Variants in HSD17B12 observed in about 807,000 individuals in gnomAD.
HSD17B12 encodes the protein very-long-chain 3-oxoacyl-CoA reductase.
A neutral mutation model predicts 39.3 loss-of-function variants in HSD17B12; 32 were observed. That is an observed-to-expected ratio of 0.81 (90% confidence interval 0.61 to 1.09). The LOEUF is 1.09. HSD17B12 is among the 50% of genes least tolerant of loss of function. The pLI, the probability that HSD17B12 is intolerant of heterozygous loss-of-function variation, is 0.00. For missense variants in HSD17B12, 342 were observed against 382.9 expected, an observed-to-expected ratio of 0.89 and a Z score of 0.89; for synonymous variants, 150 against 146.7, an observed-to-expected ratio of 1.02 and a Z score of -0.16.
At chr11:43,582,303 G>A in the HSD17B12 span, among the ~76,000 whole-genome samples, 1 of 152,170 alleles carries the variant, frequency 6.6e-6, no homozygotes, top group Non-Finnish European at 1.5e-5. Context: ...GCCCCATCCC[G>A]GCCTCTCCAG....
At chr11:43,786,171 A>T (rs1950814242) in intron 3 of HSD17B12, among the ~76,000 whole-genome samples, 1 of 152,166 alleles carries the variant, frequency 6.6e-6, no homozygotes, top group Non-Finnish European at 1.5e-5. Flanking sequence ...GGGTTGCGTG[A>T]AAAAAGGGGC....
At chr11:43,808,644 CTAG>C (rs1951041441) in intron 4 of HSD17B12, among the ~76,000 whole-genome samples, 1 of 152,050 alleles carries the variant, frequency 6.6e-6, no homozygotes, top group African/African-American at 2.4e-5. Flanking sequence ...CAAATCTTAC[CTAG>C]TTTTGTAATG....
chr11:43,571,397 C>G, the HSD17B12 span, among the ~76,000 whole-genome samples: 3 of 152,208 alleles, frequency 2.0e-5, no homozygotes, highest in Non-Finnish European at 4.4e-5. Flanking sequence ...AGCCCCCTAT[C>G]ATGTGCTTGC....
chr11:43,820,469 G>T (rs1425513044), intron 6 of HSD17B12, among the ~76,000 whole-genome samples: 1 of 152,176 alleles, frequency 6.6e-6, no homozygotes, highest in African/African-American at 2.4e-5. Flanking sequence ...GTGTTACGTT[G>T]CCAGGGCCAG....
the HSD17B12 span, chr11:43,673,462 T>TTCTTC: frequency 8.3e-6 from 1 of 120,128 alleles, no homozygotes; most frequent in Non-Finnish European, 1.6e-5. Flanking sequence ...TCCTTTAGTC[T>TTCTTC]TTTTCTTTTC....
upstream of HSD17B12, chr11:43,680,564 G>T (rs1158014948): frequency 4.1e-6 from 2 of 493,700 alleles, no homozygotes; most frequent in East Asian, 3.9e-5. Flanking sequence ...GCTCACTGGC[G>T]GAACCCCGGG....
intron 4 of HSD17B12, among the ~76,000 whole-genome samples, chr11:43,807,112 T>G (rs956047555): frequency 6.6e-6 from 1 of 152,158 alleles, no homozygotes; most frequent in African/African-American, 2.4e-5. Context: ...TTTTTTTGAT[T>G]GATTCATTCA....
intron 1 of HSD17B12, among the ~76,000 whole-genome samples, chr11:43,736,494 T>C (rs1364588895): frequency 6.6e-6 from 1 of 152,126 alleles, no homozygotes; most frequent in Non-Finnish European, 1.5e-5. Context: ...GGACTCTGTA[T>C]TGGGACAGGA....
the HSD17B12 span, among the ~76,000 whole-genome samples, chr11:43,565,705 C>T: frequency 3.3e-5 from 5 of 152,220 alleles, no homozygotes; most frequent in Non-Finnish European, 5.9e-5. Context: ...AGGTCCAATG[C>T]ATTTTCCAAA....
the HSD17B12 span, among the ~76,000 whole-genome samples, chr11:43,611,016 A>G: frequency 6.6e-6 from 1 of 152,306 alleles, no homozygotes; most frequent in Non-Finnish European, 1.5e-5. Flanking sequence ...TAAGAGTTTG[A>G]AATTCAGACT....
intron 3 of HSD17B12, among the ~76,000 whole-genome samples, chr11:43,788,951 T>C (rs150953189): frequency 1.3e-5 from 2 of 152,310 alleles, no homozygotes; most frequent in African/African-American, 4.8e-5. Context: ...GTCCCACAAA[T>C]TAAGTAGCTA....
intron 9 of HSD17B12, among the ~76,000 whole-genome samples, chr11:43,850,234 A>C (rs1951517456): frequency 6.6e-6 from 1 of 152,192 alleles, no homozygotes; most frequent in Non-Finnish European, 1.5e-5. Context: ...GTGGTCTGCA[A>C]GTAAAGTAAT....
At chr11:43,604,611 A>G in the HSD17B12 span, among the ~76,000 whole-genome samples, 1 of 152,252 alleles carries the variant, frequency 6.6e-6, no homozygotes, top group Admixed American at 6.5e-5. Flanking sequence ...GGTTTCCATC[A>G]TAATTCATTA....
chr11:43,695,300 C>G (rs371747096), intron 1 of HSD17B12, among the ~76,000 whole-genome samples: 1 of 152,098 alleles, frequency 6.6e-6, no homozygotes, highest in Non-Finnish European at 1.5e-5. Context: ...CTTTATTGGC[C>G]GGGCGTGGTG....
intron 3 of HSD17B12, among the ~76,000 whole-genome samples, chr11:43,760,261 G>A (rs2134963479): frequency 6.6e-6 from 1 of 152,136 alleles, no homozygotes; most frequent in East Asian, 1.9e-4. Flanking sequence ...TGTTACCCAG[G>A]CTGGTCTCCA....
intron 1 of HSD17B12, among the ~76,000 whole-genome samples, chr11:43,719,786 G>A (rs937007279): frequency 6.6e-6 from 1 of 151,994 alleles, no homozygotes; most frequent in Non-Finnish European, 1.5e-5. Flanking sequence ...TTGTAGCTGA[G>A]TAGCTTTTCA....
intron 1 of HSD17B12, among the ~76,000 whole-genome samples, chr11:43,711,717 T>C (rs1950068201): frequency 6.6e-6 from 1 of 151,822 alleles, no homozygotes; most frequent in African/African-American, 2.4e-5. Context: ...CCAATTGATT[T>C]GTACACCTTG....
At chr11:43,740,502 G>T (rs559607225) in intron 1 of HSD17B12, among the ~76,000 whole-genome samples, 91 of 152,320 alleles carry the variant, frequency 6.0e-4, no homozygotes, top group Non-Finnish European at 1.1e-3. Context: ...AACAGTAAAA[G>T]AAGAAATGAT....
chr11:43,855,263 A>G lies in HSD17B12; in HGVS notation c.*15A>G. The G allele has an allele frequency of 6.5e-7, 1 of 1,534,672 alleles. No homozygotes were observed. The highest frequency in any genetic ancestry group is 8.9e-7 in the Non-Finnish European group (1 of 1,118,642). On this transcript the variant is annotated 3_prime_UTR_variant, in exon 11 of 11. Coordinates refer to ENST00000278353, the MANE Select transcript of HSD17B12 (RefSeq NM_016142.3). ...AGAAGAACTAAGCATTGATAACTGC[A>G]TTGTAACTTGGCCAGATGCTCCAGC...
Sources: allele counts gnomAD v4.1 joint callset (sites outside exome capture counted in the v4.1 genomes callset), GRCh38; gene constraint gnomAD v4.1.1; transcripts MANE v1.5; gene names NCBI Gene and HGNC (gene_info 2026-07-23, HGNC 2026-07-21).